Variants in GRIK3 observed in about 807,000 individuals in gnomAD.
GRIK3 encodes glutamate ionotropic receptor kainate type subunit 3, also known as glutamate receptor ionotropic, kainate 3.
In GRIK3, 29 loss-of-function variants were observed where a neutral mutation model predicts 102.5. The ratio of observed to expected loss-of-function variants is 0.28; its 90% CI spans 0.21 to 0.39. GRIK3 has a LOEUF of 0.39. Ranked by LOEUF, GRIK3 falls within the 10% of genes least tolerant of loss-of-function variation. The pLI is 1.00. For missense variants in GRIK3, 908 were observed against 1,252.4 expected (o/e 0.73, Z 4.15); for synonymous variants, 511 against 504.9 (o/e 1.01, Z -0.16).
At chr1:37,004,247 C>G (rs966409354) in intron 1 of GRIK3, among the ~76,000 whole-genome samples, 1 of 152,224 alleles carries the variant, frequency 6.6e-6, no homozygotes, top group Non-Finnish European at 1.5e-5. Flanking sequence ...AGCACCTTCT[C>G]TGAGTCTCAA....
Position 36,994,839 on chromosome 1 carries a change from C to T in GRIK3, c.115+39155G>A, listed in dbSNP as rs1447086974. Among the ~76,000 whole-genome samples the T allele has an allele frequency of 2.0e-5, 3 of 152,206 alleles. No individual in the cohort carries two copies. In the East Asian group the frequency reaches 5.8e-4, roughly 29 times the overall value. On this transcript the variant is annotated intron_variant, in intron 1 of 15. Coordinates refer to ENST00000373091, the MANE Select transcript of GRIK3 (RefSeq NM_000831.4). ...AAAGAACTCTAAATTTTTTAACACA[C>T]ACTTCCAGGGTACGTGTTCCCTTTT...
chr1:36,929,081 A>G (rs1276012238), intron 1 of GRIK3, among the ~76,000 whole-genome samples: 1 of 152,172 alleles, frequency 6.6e-6, no homozygotes, highest in Non-Finnish European at 1.5e-5. Flanking sequence ...CAGATGAGGA[A>G]ACTGAGTCAT....
Position 36,889,741 on chromosome 1 carries a change from C to T in GRIK3, c.292+1179G>A, listed in dbSNP as rs565344334. On this transcript the variant is annotated intron_variant, in intron 2 of 15. Transcript: ENST00000373091. ...GTTCCCTGCCTGGCTGGGGAAGGTCCCTGTGCTGAATCACAGGTGTACCAC... is the reference window on the plus strand; with the variant it reads ...GTTCCCTGCCTGGCTGGGGAAGGTCTCTGTGCTGAATCACAGGTGTACCAC... 2.0e-5 allele frequency among the ~76,000 whole-genome samples: 3 copies of T among 152,150 alleles called. No homozygotes were observed. In the South Asian group the frequency reaches 6.2e-4, roughly 32 times the overall value.
At chr1:36,818,525 A>C (rs1399276490) in intron 12 of GRIK3, among the ~76,000 whole-genome samples, 1 of 152,202 alleles carries the variant, frequency 6.6e-6, no homozygotes, top group Non-Finnish European at 1.5e-5. Context: ...TATTTGAGTC[A>C]CTTGATTGCT....
chr1:36,976,148 T>C (rs145622022), intron 1 of GRIK3, among the ~76,000 whole-genome samples: 4 of 152,050 alleles, frequency 2.6e-5, no homozygotes, highest in Admixed American at 6.5e-5. Context: ...TGTAGTGGGG[T>C]AGTCAGAGAG....
chr1:36,975,567 A>T (rs560150394), intron 1 of GRIK3, among the ~76,000 whole-genome samples: 1 of 152,258 alleles, frequency 6.6e-6, no homozygotes, highest in Non-Finnish European at 1.5e-5. Flanking sequence ...TGCCGGGATT[A>T]TAGGCATGAG....
At chr1:36,933,072 T>C (rs1641614548) in intron 1 of GRIK3, among the ~76,000 whole-genome samples, 1 of 152,232 alleles carries the variant, frequency 6.6e-6, no homozygotes, top group South Asian at 2.1e-4. Flanking sequence ...TGTCTGTTTC[T>C]ATCTGAGCTA....
chr1:36,848,898 G>A (rs531584784), intron 9 of GRIK3, among the ~76,000 whole-genome samples: 19 of 152,078 alleles, frequency 1.2e-4, no homozygotes. Flanking sequence ...AGGCCAGCAG[G>A]ATGTGAGGTT....
chr1:37,010,751 T>TTTTG (rs1385205283), intron 1 of GRIK3, among the ~76,000 whole-genome samples: 11 of 114,698 alleles, frequency 9.6e-5, no homozygotes, highest in Non-Finnish European at 1.8e-4. Flanking sequence ...TTTTTTTTTT[T>TTTTG]TGAGATGGAG....
intron 1 of GRIK3, among the ~76,000 whole-genome samples, chr1:37,031,795 G>T (rs138601328): frequency 3.9e-5 from 6 of 152,212 alleles, no homozygotes; most frequent in Admixed American, 6.5e-5. Context: ...TCTCTCGCTC[G>T]CTCGCTCTTT....
At chr1:36,901,140 C>T (rs540423396) in intron 1 of GRIK3, among the ~76,000 whole-genome samples, 2 of 152,174 alleles carry the variant, frequency 1.3e-5, no homozygotes, top group Non-Finnish European at 2.9e-5. Context: ...TCTCTACACT[C>T]TATTGGAAAA....
chr1:36,808,073 C>T (rs1642520123), intron 13 of GRIK3, among the ~76,000 whole-genome samples: 4 of 152,260 alleles, frequency 2.6e-5, no homozygotes, highest in Admixed American at 6.5e-5. Context: ...ATTCTTCCAC[C>T]TCAGTGCTTC....
chr1:36,822,686 T>C lies in GRIK3; in HGVS notation c.1755-2832A>G, dbSNP rs950774. ...GGAGGAGGAGACAGGGCATCCACTA[T>C]GGCCAAAGCTCTTGCTTCCTTGGGA... On this transcript the variant is annotated intron_variant, in intron 11 of 15. Transcript: ENST00000373091. 2.9e-3 allele frequency among the ~76,000 whole-genome samples: 436 copies of C among 152,282 alleles called. 5 individuals are homozygous for C. Among genetic ancestry groups the C allele is most frequent in the East Asian group, 0.027 (141 of 5,170 alleles).
Position 36,850,418 on chromosome 1 carries a change from C to A in GRIK3, c.1219G>T (p.Val407Leu), listed in dbSNP as rs747343471. ...LKEDGLEKVG[V>L]WSPADGLNIT... The stretch of plus-strand genomic sequence containing the variant: ...TTGAGCCCGTCGGCAGGACTCCACA[C>A]CCCAACCTGGATGGACACAGACAGA... Residue 407 changes from valine to leucine, a missense_variant, in exon 9 of 16, where the codon GTG becomes TTG. Around this residue, in one of 3 missense-constraint regions of GRIK3, gnomAD observed 585 missense variants for 824.9 expected, o/e 0.71. Coordinates refer to ENST00000373091, the MANE Select transcript of GRIK3 (RefSeq NM_000831.4). The surrounding 1 kb of genome is among the most constrained non-coding windows in gnomAD (Gnocchi z 4.0). The A allele has an allele frequency of 2.4e-5, 39 of 1,605,052 alleles. No homozygotes were observed. The highest frequency in any genetic ancestry group is 3.2e-5 in the Non-Finnish European group (37 of 1,171,910).
At chr1:36,908,351 C>A (rs1376237474) in intron 1 of GRIK3, among the ~76,000 whole-genome samples, 2 of 152,150 alleles carry the variant, frequency 1.3e-5, no homozygotes, top group East Asian at 3.9e-4. Context: ...TCATTAACTG[C>A]TAAATGGCCA....
chr1:37,033,121 G>A (rs1487597855), intron 1 of GRIK3, among the ~76,000 whole-genome samples: 1 of 152,322 alleles, frequency 6.6e-6, no homozygotes, highest in Middle Eastern at 3.4e-3. Flanking sequence ...CATGCGCGGC[G>A]CTCAGGCCTG....
At chr1:36,903,261 A>G (rs1641250559) in intron 1 of GRIK3, among the ~76,000 whole-genome samples, 2 of 152,240 alleles carry the variant, frequency 1.3e-5, no homozygotes, top group African/African-American at 2.4e-5. Flanking sequence ...AATTAAAACA[A>G]CAACAAGATA....
intron 1 of GRIK3, among the ~76,000 whole-genome samples, chr1:36,965,734 G>T (rs545533857): frequency 6.6e-6 from 1 of 152,322 alleles, no homozygotes; most frequent in South Asian, 2.1e-4. Context: ...TCCCAGGGAG[G>T]TTAAACGTTC....
intron 11 of GRIK3, among the ~76,000 whole-genome samples, chr1:36,821,815 C>G (rs916293894): frequency 6.6e-6 from 1 of 152,228 alleles, no homozygotes; most frequent in African/African-American, 2.4e-5. Flanking sequence ...TCTGAACAAC[C>G]TGGAAGGTGG....
Sources: gnomAD v4.1 joint callset for allele counts (sites outside exome capture counted in the v4.1 genomes callset) on GRCh38, gnomAD v4.1.1 for gene constraint, gnomAD v4.1.1 regional missense constraint, Gnocchi (gnomAD v3.1) non-coding constraint, MANE v1.5 for transcripts, NCBI Gene and HGNC (gene_info 2026-07-23, HGNC 2026-07-21) for gene names.